ENTHD1: variants seen among roughly 807,000 people sequenced by gnomAD.
ENTHD1 encodes ENTH domain-containing protein 1.
ENTHD1 carries 23 observed loss-of-function variants against 39.1 expected under a neutral mutation model. That is an observed-to-expected ratio of 0.59 (90% confidence interval 0.42 to 0.83). ENTHD1 has a LOEUF of 0.83. ENTHD1 is among the 40% of genes least tolerant of loss of function. The pLI, the probability that ENTHD1 is intolerant of heterozygous loss-of-function variation, is 0.00. For synonymous variants in ENTHD1, 230 were observed against 258.2 expected (o/e 0.89, Z 1.05); for missense variants, 624 against 705.4 (o/e 0.88, Z 1.31).
intron 5 of ENTHD1, among the ~76,000 whole-genome samples, chr22:39,801,604 T>C (rs768266925): frequency 6.6e-6 from 1 of 152,258 alleles, no homozygotes; most frequent in African/African-American, 2.4e-5. Context: ...TAAAGCATCA[T>C]ATTCTGTTGT....
intron 5 of ENTHD1, among the ~76,000 whole-genome samples, chr22:39,813,269 T>C (rs553556265): frequency 1.3e-5 from 2 of 152,348 alleles, no homozygotes; most frequent in African/African-American, 4.8e-5. Flanking sequence ...TCCAACTCTT[T>C]TGTGAGTGTA....
intron 5 of ENTHD1, among the ~76,000 whole-genome samples, chr22:39,792,609 G>A (rs2065513539): frequency 1.3e-5 from 2 of 152,116 alleles, no homozygotes; most frequent in African/African-American, 4.8e-5. Flanking sequence ...GGGTGCGGTG[G>A]CTCATGCCTG....
Position 39,887,802 on chromosome 22 carries a change from TTA to T in ENTHD1, c.-56_-55del. On this transcript the variant is annotated 5_prime_UTR_variant, in exon 2 of 7. Coordinates refer to ENST00000325157, the MANE Select transcript of ENTHD1 (RefSeq NM_152512.4). ...AGGATGAAAGCAATGGAATAACAGT[TTA>T]TGTCACGGGTTTATAAAACTCTTGA... 1 of 1,328,522 alleles carries T rather than the reference TTA, an allele frequency of 7.5e-7. No homozygotes were observed. The highest frequency in any genetic ancestry group is 1.0e-6 in the Non-Finnish European group (1 of 972,688). The allele number at this position is 1,328,522 out of a possible 1,614,324, so 82.3% of individuals were successfully genotyped here. A position where few individuals can be genotyped will look rare whatever the true frequency, so the allele number is the denominator to read the frequency against.
intron 6 of ENTHD1, among the ~76,000 whole-genome samples, chr22:39,747,086 A>C (rs1374356867): frequency 6.6e-6 from 1 of 152,110 alleles, no homozygotes; most frequent in Non-Finnish European, 1.5e-5. Flanking sequence ...ACCTGGGCTC[A>C]AGCGATCCTC....
intron 2 of ENTHD1, among the ~76,000 whole-genome samples, chr22:39,879,650 A>G (rs377136777): frequency 6.6e-6 from 1 of 152,114 alleles, no homozygotes; most frequent in East Asian, 1.9e-4. Context: ...GATGCAGAGC[A>G]TCAGGAACTC....
intron 2 of ENTHD1, among the ~76,000 whole-genome samples, chr22:39,866,959 G>A (rs545374769): frequency 6.6e-6 from 1 of 152,136 alleles, no homozygotes; most frequent in East Asian, 1.9e-4. Flanking sequence ...CTGGAATGCA[G>A]TGGCACGATC....
intron 6 of ENTHD1, among the ~76,000 whole-genome samples, chr22:39,748,861 G>A (rs1302615185): frequency 6.6e-6 from 1 of 152,148 alleles, no homozygotes; most frequent in Non-Finnish European, 1.5e-5. Flanking sequence ...GAATTTGTCA[G>A]TAATGAATTT....
chr22:39,790,629 A>C (rs1029240355), intron 5 of ENTHD1, among the ~76,000 whole-genome samples: 3 of 152,144 alleles, frequency 2.0e-5, no homozygotes, highest in Non-Finnish European at 4.4e-5. Context: ...GGCCAGTCCC[A>C]ACTCACCAGG....
rs1037405052 is a variant in ENTHD1, at chr22:39,883,461, C to T, written c.349+3939G>A. The stretch of plus-strand genomic sequence containing the variant: ...TAGGAATAGAAGAGAACTTCCCCAC[C>T]CTGATAAAGGACATCTATGAAAAAA... On this transcript the variant is annotated intron_variant, in intron 2 of 6. Coordinates refer to ENST00000325157, the MANE Select transcript of ENTHD1 (RefSeq NM_152512.4). Among the ~76,000 whole-genome samples, 30 of 151,980 alleles carry T rather than the reference C, an allele frequency of 2.0e-4. 1 individual carries two copies. The highest frequency in any genetic ancestry group is 8.8e-5 in the Non-Finnish European group (6 of 68,002).
chr22:39,767,922 C>A (rs2065290037), intron 5 of ENTHD1, among the ~76,000 whole-genome samples: 1 of 152,126 alleles, frequency 6.6e-6, no homozygotes, highest in African/African-American at 2.4e-5. Flanking sequence ...TCCCAATAGC[C>A]CGGGAAGAAT....
chr22:39,797,454 T>TCGGC (rs1448310746), intron 5 of ENTHD1, among the ~76,000 whole-genome samples: 2 of 152,216 alleles, frequency 1.3e-5, no homozygotes, highest in Non-Finnish European at 2.9e-5. Flanking sequence ...TCTCATTGTT[T>TCGGC]ATCACTGTAG....
intron 5 of ENTHD1, among the ~76,000 whole-genome samples, chr22:39,804,104 C>T (rs773694435): frequency 3.3e-5 from 5 of 151,962 alleles, no homozygotes; most frequent in Non-Finnish European, 7.4e-5. Context: ...GTTGAGGCAG[C>T]AGTGACCCAT....
At chr22:39,747,729 A>G (rs751742709) in intron 6 of ENTHD1, among the ~76,000 whole-genome samples, 7 of 152,128 alleles carry the variant, frequency 4.6e-5, no homozygotes, top group Middle Eastern at 3.2e-3. Flanking sequence ...CATTACTCTT[A>G]GTTTGCAGGA....
At chr22:39,775,145 C>A (rs2065356946) in intron 5 of ENTHD1, among the ~76,000 whole-genome samples, 1 of 152,266 alleles carries the variant, frequency 6.6e-6, no homozygotes, top group South Asian at 2.1e-4. Context: ...ATTCATTTGA[C>A]AAATACTAAG....
chr22:39,773,708 G>A (rs961600001), intron 5 of ENTHD1, among the ~76,000 whole-genome samples: 3 of 152,094 alleles, frequency 2.0e-5, no homozygotes, highest in African/African-American at 7.2e-5. Context: ...ATTCTCTGGG[G>A]TTGGGAGATA....
intron 3 of ENTHD1, among the ~76,000 whole-genome samples, chr22:39,847,308 G>T (rs1170134640): frequency 1.4e-5 from 2 of 143,106 alleles, no homozygotes; most frequent in Non-Finnish European, 3.0e-5. Flanking sequence ...CTCATAGATG[G>T]GAATTGAACA....
In ENTHD1 at chr22:39,743,424, A is replaced by G. The variant is rs2065074553; in HGVS notation, c.*255T>C. On this transcript the variant is annotated 3_prime_UTR_variant, in exon 7 of 7. Coordinates refer to ENST00000325157, the MANE Select transcript of ENTHD1 (RefSeq NM_152512.4). ...TAACCCATTTGAGGTACAGAGCATG[A>G]AAGAATGAAATTCTCTTCTGTTTCA... 1 of 391,342 alleles carries G rather than the reference A, an allele frequency of 2.6e-6. No homozygotes were observed. The highest frequency in any genetic ancestry group is 4.4e-5 in the South Asian group (1 of 22,932). The allele number at this position is 391,342 out of a possible 1,614,324, so 24.2% of individuals were successfully genotyped here.
intron 6 of ENTHD1, among the ~76,000 whole-genome samples, chr22:39,759,068 ATTTACT>A (rs1409917092): frequency 6.6e-6 from 1 of 152,090 alleles, no homozygotes; most frequent in Non-Finnish European, 1.5e-5. Flanking sequence ...TTGGTCTATA[ATTTACT>A]TTTCTTGAAA....
chr22:39,845,082 A>C (rs1438166870), intron 3 of ENTHD1, among the ~76,000 whole-genome samples: 1 of 152,090 alleles, frequency 6.6e-6, no homozygotes, highest in Admixed American at 6.5e-5. Flanking sequence ...ATTAAAAAAA[A>C]AAAAAAAGCC....
Sources: allele counts gnomAD v4.1 joint callset (sites outside exome capture counted in the v4.1 genomes callset), GRCh38; gene constraint gnomAD v4.1.1; transcripts MANE v1.5; gene names NCBI Gene and HGNC (gene_info 2026-07-23, HGNC 2026-07-21).